Variants in RGS8 observed in about 807,000 individuals in gnomAD.
RGS8 encodes the protein regulator of G-protein signaling 8.
RGS8 carries 8 observed loss-of-function variants against 21.7 expected under a neutral mutation model. That is an observed-to-expected ratio of 0.37 (90% CI 0.22 to 0.66). RGS8 has a LOEUF of 0.66. Ranked by LOEUF, RGS8 falls within the 30% of genes least tolerant of loss-of-function variation. The probability of loss-of-function intolerance (pLI) is 0.59; values close to 1 mark genes in which losing one functional copy is unlikely to be tolerated. For synonymous variants in RGS8, 80 were observed against 83.6 expected (o/e 0.96, Z 0.24); for missense variants, 157 against 217.9 (o/e 0.72, Z 1.76).
the RGS8 span, among the ~76,000 whole-genome samples, chr1:182,744,512 A>C: frequency 1.3e-5 from 2 of 152,356 alleles, no homozygotes; most frequent in East Asian, 3.9e-4. Flanking sequence ...TGGTGGTCCC[A>C]TAAGTTTATA....
At chr1:182,665,194 C>T (rs1241851431) in intron 5 of RGS8, among the ~76,000 whole-genome samples, 1 of 152,158 alleles carries the variant, frequency 6.6e-6, no homozygotes, top group Non-Finnish European at 1.5e-5. Context: ...TTCACAAAAC[C>T]CCTCCCTCTT....
the RGS8 span, among the ~76,000 whole-genome samples, chr1:182,725,133 T>G: frequency 6.6e-6 from 1 of 152,134 alleles, no homozygotes; most frequent in African/African-American, 2.4e-5. Flanking sequence ...AGAAAGAAAA[T>G]GGTCTGTTTT....
the RGS8 span, among the ~76,000 whole-genome samples, chr1:182,708,693 C>T: frequency 2.0e-5 from 3 of 152,348 alleles, no homozygotes; most frequent in Admixed American, 6.5e-5. Context: ...TCAAACCCGG[C>T]CAAGAACAAC....
the RGS8 span, among the ~76,000 whole-genome samples, chr1:182,693,720 T>C: frequency 1.3e-5 from 2 of 152,180 alleles, no homozygotes; most frequent in Non-Finnish European, 2.9e-5. Context: ...GGAATTAACC[T>C]AGACACCCAT....
chr1:182,751,744 T>A, the RGS8 span, among the ~76,000 whole-genome samples: 1 of 152,214 alleles, frequency 6.6e-6, no homozygotes, highest in African/African-American at 2.4e-5. Flanking sequence ...AGATATACCA[T>A]ATACATAATT....
chr1:182,709,748 C>T, the RGS8 span, among the ~76,000 whole-genome samples: 2 of 152,224 alleles, frequency 1.3e-5, no homozygotes, highest in Non-Finnish European at 2.9e-5. Flanking sequence ...ATTTTTTCAA[C>T]TCCCCCCACT....
chr1:182,737,737 A>G, the RGS8 span, among the ~76,000 whole-genome samples: 121 of 152,320 alleles, frequency 7.9e-4, no homozygotes, highest in African/African-American at 2.7e-3. Context: ...ACCATACAAG[A>G]TAACATTCAC....
rs1664627801 is a variant in RGS8, at chr1:182,684,067, G to A, written n.221+289C>T. On this transcript the variant is annotated intron_variant and non_coding_transcript_variant, in intron 1 of 4. Transcript: ENST00000515211. This position sits in a 1 kb window ranked among gnomAD's most constrained non-coding sequence, Gnocchi z 4.2. ...TTTGAGGAGAAAGCAGGTGTTAGGG[G>A]ACCTGAGGAGTTAGGGTTGAGGAAG... 6.6e-6 allele frequency among the ~76,000 whole-genome samples: 1 copy of A among 152,224 alleles called. No individual in the cohort carries two copies. The highest frequency in any genetic ancestry group is 1.5e-5 in the Non-Finnish European group (1 of 68,040).
chr1:182,741,194 C>T, the RGS8 span, among the ~76,000 whole-genome samples: 1 of 140,284 alleles, frequency 7.1e-6, no homozygotes, highest in Non-Finnish European at 1.6e-5. Flanking sequence ...CTGACCCCCC[C>T]ACCTCCCTCC....
chr1:182,712,010 A>G, the RGS8 span, among the ~76,000 whole-genome samples: 1 of 152,132 alleles, frequency 6.6e-6, no homozygotes, highest in East Asian at 1.9e-4. Flanking sequence ...GAGCTTATTA[A>G]ATGTCAGGAA....
At chr1:182,729,749 A>G in the RGS8 span, among the ~76,000 whole-genome samples, 1 of 152,226 alleles carries the variant, frequency 6.6e-6, no homozygotes, top group Non-Finnish European at 1.5e-5. Context: ...ATAGCTCTAC[A>G]AGAACACATA....
At chr1:182,677,741 C>T (rs1664411616), upstream of RGS8, among the ~76,000 whole-genome samples, 1 of 152,180 alleles carries the variant, frequency 6.6e-6, no homozygotes, top group African/African-American at 2.4e-5. Flanking sequence ...TTATTCACTA[C>T]TTTATACTCC....
intron 5 of RGS8, among the ~76,000 whole-genome samples, chr1:182,655,245 T>G (rs1663215887): frequency 6.6e-6 from 1 of 152,174 alleles, no homozygotes; most frequent in African/African-American, 2.4e-5. Flanking sequence ...GACAGTAACC[T>G]GAGGGATGCC....
upstream of RGS8, among the ~76,000 whole-genome samples, chr1:182,686,887 A>G (rs751079401): frequency 2.0e-5 from 3 of 152,192 alleles, no homozygotes; most frequent in Middle Eastern, 3.2e-3. Flanking sequence ...AACCAAAGAT[A>G]CTGAGAAAAA....
At chr1:182,717,249 A>C in the RGS8 span, among the ~76,000 whole-genome samples, 3 of 152,344 alleles carry the variant, frequency 2.0e-5, no homozygotes, top group African/African-American at 7.2e-5. Flanking sequence ...CTGTTATAAG[A>C]AAGTGAAAAC....
chr1:182,720,459 G>A, the RGS8 span, among the ~76,000 whole-genome samples: 1 of 152,138 alleles, frequency 6.6e-6, no homozygotes, highest in Non-Finnish European at 1.5e-5. Context: ...ACCATCTATG[G>A]AAGGGATAAT....
the RGS8 span, among the ~76,000 whole-genome samples, chr1:182,732,965 C>T: frequency 6.6e-6 from 1 of 152,156 alleles, no homozygotes; most frequent in Non-Finnish European, 1.5e-5. Context: ...CTTAATGCAA[C>T]CAAGTTAAAT....
intron 5 of RGS8, among the ~76,000 whole-genome samples, chr1:182,663,352 A>G (rs1053966737): frequency 6.6e-6 from 1 of 152,196 alleles, no homozygotes; most frequent in Non-Finnish European, 1.5e-5. Flanking sequence ...AAATTCTACC[A>G]GTGACTCCTG....
At chr1:182,649,905 C>CTTTT (rs920729497) in intron 5 of RGS8, among the ~76,000 whole-genome samples, 1,551 of 128,466 alleles carry the variant, frequency 0.012, 24 homozygotes, top group Admixed American at 0.032. Context: ...GTTAACAACT[C>CTTTT]TTTTTTTTTT....
Sources: gnomAD v4.1 joint callset for allele counts (sites outside exome capture counted in the v4.1 genomes callset) on GRCh38, gnomAD v4.1.1 for gene constraint, Gnocchi (gnomAD v3.1) non-coding constraint, MANE v1.5 for transcripts, NCBI Gene and HGNC (gene_info 2026-07-23, HGNC 2026-07-21) for gene names.